The following CFAP95 variants were observed in gnomAD, a reference collection of about 807,000 sequenced individuals.
CFAP95 encodes the protein cilia and flagella associated protein 95.
chr9:69,858,086 T>C, the CFAP95 span: 2 of 918,252 alleles, frequency 2.2e-6, no homozygotes, highest in Admixed American at 3.7e-5. Context: ...CAAAATGCCC[T>C]TTACATGACA....
At chr9:69,848,259 C>T in the CFAP95 span, among the ~76,000 whole-genome samples, 5 of 152,032 alleles carry the variant, frequency 3.3e-5, no homozygotes, top group African/African-American at 1.2e-4. Flanking sequence ...CCATTGTGGA[C>T]CATGGGGAAG....
chr9:69,873,261 T>C, the CFAP95 span, among the ~76,000 whole-genome samples: 95,981 of 151,962 alleles, frequency 0.63, 30,680 homozygotes, highest in East Asian at 0.82. Flanking sequence ...CACTGCACTC[T>C]AGCTAGGGTG....
chr9:69,878,420 C>T, the CFAP95 span, among the ~76,000 whole-genome samples: 2 of 152,328 alleles, frequency 1.3e-5, no homozygotes, highest in African/African-American at 2.4e-5. Context: ...CTTGCCACCT[C>T]TCCTGTCTTC....
chr9:69,877,689 T>C, the CFAP95 span, among the ~76,000 whole-genome samples: 74 of 152,340 alleles, frequency 4.9e-4, no homozygotes, highest in African/African-American at 1.4e-3. Flanking sequence ...GTAGATTCTC[T>C]TGTATTTTTA....
At chr9:69,858,667 G>A in the CFAP95 span, among the ~76,000 whole-genome samples, 2 of 152,202 alleles carry the variant, frequency 1.3e-5, no homozygotes, top group Non-Finnish European at 2.9e-5. Flanking sequence ...TATATTGATC[G>A]ATTGGTGAAA....
chr9:69,841,607 G>A, the CFAP95 span, among the ~76,000 whole-genome samples: 1 of 152,118 alleles, frequency 6.6e-6, no homozygotes, highest in Non-Finnish European at 1.5e-5. Flanking sequence ...GGAGCCAGAT[G>A]GGACCTGTAT....
At chr9:69,855,323 A>C in the CFAP95 span, among the ~76,000 whole-genome samples, 1 of 152,214 alleles carries the variant, frequency 6.6e-6, no homozygotes, top group Non-Finnish European at 1.5e-5. Context: ...AAATCATCAG[A>C]GCATATCTAA....
At chr9:69,829,735 T>A in the CFAP95 span, among the ~76,000 whole-genome samples, 1 of 152,186 alleles carries the variant, frequency 6.6e-6, no homozygotes. Context: ...GAGAGGAAGT[T>A]AGAAGAATGT....
chr9:69,829,198 G>A, the CFAP95 span, among the ~76,000 whole-genome samples: 1 of 152,098 alleles, frequency 6.6e-6, no homozygotes, highest in Non-Finnish European at 1.5e-5. Context: ...ACCTACAAAT[G>A]CTTCTGGATA....
At chr9:69,905,940 T>C in the CFAP95 span, 1 of 1,495,666 alleles carries the variant, frequency 6.7e-7, no homozygotes, top group Admixed American at 2.3e-5. Flanking sequence ...TTATTTCTCT[T>C]TTTTCCCCCA....
the CFAP95 span, among the ~76,000 whole-genome samples, chr9:69,841,312 T>A: frequency 6.6e-6 from 1 of 151,400 alleles, no homozygotes; most frequent in African/African-American, 2.4e-5. Flanking sequence ...ATCACTGGTA[T>A]GTTTCCCCTT....
At chr9:69,843,249 T>A in the CFAP95 span, among the ~76,000 whole-genome samples, 2 of 152,166 alleles carry the variant, frequency 1.3e-5, no homozygotes, top group Non-Finnish European at 1.5e-5. Flanking sequence ...GATGATTGAA[T>A]TCTCGGGTAC....
the CFAP95 span, among the ~76,000 whole-genome samples, chr9:69,846,279 C>T: frequency 6.6e-6 from 1 of 152,064 alleles, no homozygotes; most frequent in African/African-American, 2.4e-5. Flanking sequence ...AACATTCCCT[C>T]CCCAATATTA....
At chr9:69,898,587 T>C in the CFAP95 span, among the ~76,000 whole-genome samples, 3 of 152,226 alleles carry the variant, frequency 2.0e-5, no homozygotes, top group South Asian at 2.1e-4. Context: ...AATAGTTCAA[T>C]GTGTATCTCC....
the CFAP95 span, among the ~76,000 whole-genome samples, chr9:69,855,082 G>T: frequency 6.6e-6 from 1 of 152,234 alleles, no homozygotes; most frequent in African/African-American, 2.4e-5. Flanking sequence ...TCCCTTCTGA[G>T]ACCATGATTA....
At chr9:69,824,842 T>A in the CFAP95 span, among the ~76,000 whole-genome samples, 1 of 152,226 alleles carries the variant, frequency 6.6e-6, no homozygotes, top group South Asian at 2.1e-4. Context: ...AAACCTAACC[T>A]TGTATTTCTG....
chr9:69,820,982 C>T, the CFAP95 span: 4 of 1,613,912 alleles, frequency 2.5e-6, no homozygotes, highest in South Asian at 1.1e-5. Context: ...CTCCCTGACC[C>T]TCCGCTCCCA....
chr9:69,887,817 G>A, the CFAP95 span, among the ~76,000 whole-genome samples: 1 of 152,292 alleles, frequency 6.6e-6, no homozygotes, highest in East Asian at 1.9e-4. Flanking sequence ...TAAGCTCTGA[G>A]CCACCAGAGA....
At chr9:69,843,546 CTCCTCCTCCTCCTTCTTCTTCTTCT>C in the CFAP95 span, among the ~76,000 whole-genome samples, 6 of 29,862 alleles carry the variant, frequency 2.0e-4, no homozygotes, top group Non-Finnish European at 4.0e-4. Context: ...CCTCCTCCTC[CTCCTCCTCCTCCTTCTTCTTCTTCT>C]TCTTCTTCTT....
Sources: gnomAD v4.1 joint callset for allele counts (sites outside exome capture counted in the v4.1 genomes callset) on GRCh38, gnomAD v4.1.1 for gene constraint, MANE v1.5 for transcripts, NCBI Gene and HGNC (gene_info 2026-07-23, HGNC 2026-07-21) for gene names.